Variants in SMPD4 observed in about 807,000 individuals in gnomAD.
The protein encoded by SMPD4 is neutral sphingomyelinase 3.
Under a neutral mutation model 97.8 loss-of-function variants are expected in SMPD4, and 58 were observed. The observed-to-expected ratio is 0.59, with a 90% CI of 0.48 to 0.74. SMPD4 has a LOEUF of 0.74. Ranked by LOEUF, SMPD4 falls within the 30% of genes least tolerant of loss-of-function variation. The probability of loss-of-function intolerance (pLI) is 0.00; values close to 1 mark genes in which losing one functional copy is unlikely to be tolerated. For missense variants in SMPD4, 853 were observed against 1,080.5 expected, an observed-to-expected ratio of 0.79 and a Z score of 2.95; for synonymous variants, 388 against 450.0, an observed-to-expected ratio of 0.86 and a Z score of 1.74.
In SMPD4 at chr2:130,152,605, C is replaced by T. The variant is rs781166113; in HGVS notation, c.2434G>A (p.Ala812Thr). Residue 812 changes from alanine (A) to threonine (T), a missense_variant, in exon 20 of 20, where the codon GCC (alanine) becomes ACC (threonine). Ala to Thr is a moderately conservative substitution (Grantham distance 58). Around this residue, in one of 3 missense-constraint regions of SMPD4, gnomAD observed 511 missense variants for 608.1 expected, o/e 0.84. Transcript: ENST00000680298. ...TCGGTCAGCAGTGTCATGGCAGAGG[C>T]GTAGAGGACATAGCCCAGGGTGAGC... ...LLLTLGYVLY[A>T]SAMTLLTERG... 1.9e-5 allele frequency: 30 copies of T among 1,551,786 alleles called. No homozygotes were observed. Among genetic ancestry groups the T allele is most frequent in the South Asian group, 4.8e-5 (4 of 84,090 alleles).
In SMPD4 at chr2:130,156,068, C is replaced by T. The variant is rs1337121103; in HGVS notation, c.1256G>A (p.Ser419Asn). 1.9e-6 allele frequency: 3 copies of T among 1,611,382 alleles called. No homozygotes were observed. Among genetic ancestry groups the T allele is most frequent in the Non-Finnish European group, 2.5e-6 (3 of 1,179,930 alleles). The change falls in exon 14 of 20, where the codon AGC becomes AAC. Residue 419 changes from serine to asparagine, a missense_variant. By Grantham distance (46) the Ser-to-Asn change is conservative. Transcript: ENST00000680298. ...CGACACACACCGGGGCTGGGAGTCG[C>T]TGCCCGGAGCCTGCTTGTCAGGCGC... is the stretch of plus-strand genomic sequence containing the variant. ...RYAPDKQAPG[S>N]DSQPRCVSEK...
chr2:130,159,593 A>G (rs1573679978), intron 11 of SMPD4: 2 of 151,268 alleles, frequency 1.3e-5, no homozygotes, highest in Admixed American at 6.6e-5. Flanking sequence ...AGCCGAGACC[A>G]TGTCAATGCA....
At chr2:130,181,346 G>C in intron 1 of SMPD4, 184 bp downstream of exon 1, 1 of 1,432,186 alleles carries the variant, frequency 7.0e-7, no homozygotes, top group Non-Finnish European at 9.1e-7. Context: ...ACAAAGGCAT[G>C]GCCCAGAGGG....
Position 130,155,106 on chromosome 2 carries a change from C to T in SMPD4, c.1443G>A (p.Met481Ile). 6.2e-7 allele frequency: 1 copy of T among 1,614,184 alleles called. No homozygotes were observed. Residue 481 changes from methionine to isoleucine, a missense_variant, in exon 15 of 20, where the codon ATG (methionine) becomes ATA (isoleucine). Physicochemically the swap from Met to Ile is conservative, Grantham distance 10. This residue lies in a region of SMPD4 where 511 missense variants were observed against 608.1 expected (regional missense o/e 0.84). Coordinates refer to ENST00000680298, the MANE Select transcript of SMPD4 (RefSeq NM_017951.5). ...AGGCTGAGGACTTACCTTTCTGAAT[C>T]ATCTCAGCCAGGTTGGGCTGGGCAA... ...KVFAQPNLAE[M>I]IQKGEQLFLE...
rs1488741150 is a variant in SMPD4 at position 130,172,343 on chromosome 2, C to T, written c.659+6G>A. 6.4e-7 allele frequency: 1 copy of T among 1,574,666 alleles called. No individual in the cohort carries two copies. Among genetic ancestry groups the T allele is most frequent in the African/African-American group, 1.4e-5 (1 of 74,014 alleles). On this transcript the variant is annotated splice_donor_region_variant and intron_variant, in intron 8 of 19. Coordinates refer to ENST00000680298, the MANE Select transcript of SMPD4 (RefSeq NM_017951.5). ...AGGGCCAGGTCTTAACAAAGGGCAG[C>T]CTTACCTGGGAGGTGGTGAGGGGCT...
At chr2:130,170,134 G>A (rs1200738052) in intron 8 of SMPD4, among the ~76,000 whole-genome samples, 1 of 152,130 alleles carries the variant, frequency 6.6e-6, no homozygotes, top group East Asian at 1.9e-4. Context: ...GTGCCACCAA[G>A]TGATGATTAT....
At position 130,176,542 on chromosome 2, in the gene SMPD4, G is replaced by A. The variant is rs1263636607; in HGVS notation, c.39+12C>T. ...GGCCACACTGACACTCATGCAAGCA[G>A]TTGATATTTACCAGTAGAAAGCTGG... On this transcript the variant is annotated intron_variant, in intron 2 of 19. Coordinates refer to ENST00000680298, the MANE Select transcript of SMPD4 (RefSeq NM_017951.5). The A allele has an allele frequency of 1.0e-5, 16 of 1,604,464 alleles. No homozygotes were observed. Among genetic ancestry groups the A allele is most frequent in the Non-Finnish European group, 1.4e-5 (16 of 1,174,328 alleles).
At chr2:130,157,420 G>C in intron 11 of SMPD4, 24 bp from the exon 12 acceptor site, 1 of 1,610,690 alleles carries the variant, frequency 6.2e-7, no homozygotes, top group Non-Finnish European at 8.5e-7. Context: ...GAGGGGTGAG[G>C]GCCTGGGAAG....
At chr2:130,168,047 G>C (rs1688096326) in intron 8 of SMPD4, among the ~76,000 whole-genome samples, 1 of 152,106 alleles carries the variant, frequency 6.6e-6, no homozygotes, top group African/African-American at 2.4e-5. Context: ...CAAAAACATT[G>C]AAACATAAAA....
chr2:130,162,983 C>T (rs998877267), intron 10 of SMPD4, among the ~76,000 whole-genome samples: 2 of 152,244 alleles, frequency 1.3e-5, no homozygotes, highest in African/African-American at 4.8e-5. Flanking sequence ...CAGCCCCCTG[C>T]CCTTCCTCTG....
At chr2:130,162,085 C>T (rs1687479030) in intron 10 of SMPD4, among the ~76,000 whole-genome samples, 1 of 152,244 alleles carries the variant, frequency 6.6e-6, no homozygotes, top group African/African-American at 2.4e-5. Context: ...TCAGCTCTGA[C>T]TCCTGGAGGC....
In SMPD4 at chr2:130,155,007, C is replaced by G. The variant is rs936993471; in HGVS notation, c.1453+89G>C. The G allele has an allele frequency of 3.9e-6, 6 of 1,526,986 alleles. No individual in the cohort carries two copies. The African/African-American group carries it at 8.3e-5, about 21-fold the overall frequency. 94.6% of individuals were successfully genotyped at this position (1,526,986 alleles called of 1,614,324 possible). A position where few individuals can be genotyped will look rare whatever the true frequency, so the allele number is the denominator to read the frequency against. On this transcript the variant is annotated intron_variant, in intron 15 of 19. Transcript: ENST00000680298. Reference sequence around the variant, plus strand: ...GGGCCCACTCTGGGCGTGTGGGTCCCTCTTAAAGACCAGCCACCCCCAGCT... The same window carrying G: ...GGGCCCACTCTGGGCGTGTGGGTCCGTCTTAAAGACCAGCCACCCCCAGCT...
rs1187216872 is a variant in SMPD4, at chr2:130,176,546, A to G, written c.39+8T>C. ...ACACTGACACTCATGCAAGCAGTTG[A>G]TATTTACCAGTAGAAAGCTGGGCTG... On this transcript the variant is annotated splice_region_variant and intron_variant, in intron 2 of 19. Coordinates refer to ENST00000680298, the MANE Select transcript of SMPD4 (RefSeq NM_017951.5). 1 of 1,608,288 alleles carries G rather than the reference A, an allele frequency of 6.2e-7. No homozygotes were observed. Among genetic ancestry groups the G allele is most frequent in the African/African-American group, 1.3e-5 (1 of 74,586 alleles).
chr2:130,178,806 A>AG (rs1231740612), intron 1 of SMPD4, among the ~76,000 whole-genome samples: 2 of 151,734 alleles, frequency 1.3e-5, no homozygotes, highest in Non-Finnish European at 2.9e-5. Flanking sequence ...ATGGAAAAAA[A>AG]AAAAGAAAAA....
In SMPD4 at chr2:130,154,358, G is replaced by A. The variant is rs138603436; in HGVS notation, c.1578C>T (p.Phe526=). 6.2e-7 allele frequency: 1 copy of A among 1,612,160 alleles called. No individual in the cohort carries two copies. Among genetic ancestry groups the A allele is most frequent in the Non-Finnish European group, 8.5e-7 (1 of 1,179,436 alleles). ...GGCTGTAGACGTGGCTCTTCACCTTGAAGGAGGCATCAGTGACCGCTGGTG... is the reference window on the plus strand; with the variant it reads ...GGCTGTAGACGTGGCTCTTCACCTTAAAGGAGGCATCAGTGACCGCTGGTG... ...PWPPAVTDAS[F]KVKSHVYSLE... is the part of the protein sequence containing the mutation. The change falls in exon 16 of 20, where the codon TTC becomes TTT. Residue 526 remains phenylalanine, a synonymous_variant. Coordinates refer to ENST00000680298, the MANE Select transcript of SMPD4 (RefSeq NM_017951.5).
At chr2:130,173,047 G>A in intron 5 of SMPD4, 152 bp from the exon 6 acceptor site, 1 of 1,223,520 alleles carries the variant, frequency 8.2e-7, no homozygotes, top group Non-Finnish European at 1.1e-6. Context: ...CTGCCTCTGA[G>A]CAGTGCCTGA....
At position 130,152,388 on chromosome 2, in the gene SMPD4, T is replaced by C; in HGVS notation, c.*167A>G. The C allele has an allele frequency of 1.3e-6, 1 of 756,220 alleles. No homozygotes were observed. Among genetic ancestry groups the C allele is most frequent in the Non-Finnish European group, 2.1e-6 (1 of 480,852 alleles). The allele number at this position is 756,220 out of a possible 1,614,324, so 46.8% of individuals were successfully genotyped here. A position where few individuals can be genotyped will look rare whatever the true frequency, so the allele number is the denominator to read the frequency against. On this transcript the variant is annotated 3_prime_UTR_variant, in exon 20 of 20. Coordinates refer to ENST00000680298, the MANE Select transcript of SMPD4 (RefSeq NM_017951.5). ...CTTTGCTGGGGCCCACCTGCCTTCC[T>C]TTCTTGGTTGCGTTTCCTCCAGATG...
At position 130,176,555 on chromosome 2, in the gene SMPD4, A is replaced by C. The variant is rs771696440; in HGVS notation, c.38T>G (p.Leu13Arg). ...FPHLQQPSFL[L>R]ASLKADSINK... The stretch of plus-strand genomic sequence containing the variant: ...CTCATGCAAGCAGTTGATATTTACC[A>C]GTAGAAAGCTGGGCTGCTGCAGGTG... The change falls in exon 2 of 20, where the codon CTG becomes CGG. Residue 13 changes from leucine to arginine, a missense_variant and splice_region_variant. Around this residue, in one of 3 missense-constraint regions of SMPD4, gnomAD observed 313 missense variants for 402.2 expected, o/e 0.78. Transcript: ENST00000680298. The C allele has an allele frequency of 1.2e-5, 19 of 1,610,308 alleles. No individual in the cohort carries two copies.
At chr2:130,159,139 C>T (rs973630729) in intron 11 of SMPD4, among the ~76,000 whole-genome samples, 2 of 152,062 alleles carry the variant, frequency 1.3e-5, no homozygotes, top group Non-Finnish European at 2.9e-5. Context: ...GGAACACAGG[C>T]GCACACACCA....
Sources: allele counts gnomAD v4.1 joint callset (sites outside exome capture counted in the v4.1 genomes callset), GRCh38; gene constraint gnomAD v4.1.1; regional missense constraint gnomAD v4.1.1; transcripts MANE v1.5; gene names NCBI Gene and HGNC (gene_info 2026-07-23, HGNC 2026-07-21).